Variants in FSIP2 observed in about 807,000 individuals in gnomAD.
FSIP2 encodes the protein fibrous sheath interacting protein 2.
FSIP2 carries 367 observed loss-of-function variants against 510.5 expected under a neutral mutation model. The observed-to-expected ratio is 0.72, with a 90% CI of 0.66 to 0.78. The LOEUF is 0.78. Among genes scored for constraint, FSIP2 ranks in the 30% least tolerant of loss-of-function variants. The pLI, the probability that FSIP2 is intolerant of heterozygous loss-of-function variation, is 0.00. For synonymous variants in FSIP2, 2,601 were observed against 2,732.2 expected, an observed-to-expected ratio of 0.95 and a Z score of 1.50; for missense variants, 7,594 against 7,901.7, an observed-to-expected ratio of 0.96 and a Z score of 1.48.
chr2:185,771,026 C>T (rs967090873), intron 13 of FSIP2, among the ~76,000 whole-genome samples: 2 of 152,182 alleles, frequency 1.3e-5, no homozygotes, highest in East Asian at 1.9e-4. Flanking sequence ...CCCTTGATTC[C>T]ATGTCTCTCA....
At chr2:185,798,859 T>C (rs2105633344) in intron 16 of FSIP2, among the ~76,000 whole-genome samples, 1 of 152,020 alleles carries the variant, frequency 6.6e-6, no homozygotes, top group African/African-American at 2.4e-5. Flanking sequence ...ACTTCGCTCA[T>C]GTTCCTTCTT....
chr2:185,756,317 C>A, intron 9 of FSIP2, 39 bp downstream of exon 9: 1 of 728,930 alleles, frequency 1.4e-6, no homozygotes. Flanking sequence ...AGATACTAAA[C>A]AATAATTTGG....
At position 185,792,687 on chromosome 2, in the gene FSIP2, T is replaced by G. The variant is rs2105618102; in HGVS notation, c.5551T>G (p.Phe1851Val). 3 of 1,533,758 alleles carry G rather than the reference T, an allele frequency of 2.0e-6. No individual in the cohort carries two copies. The South Asian group carries it at 3.6e-5, about 18-fold the overall frequency. Residue 1851 changes from phenylalanine to valine, a missense_variant, in exon 16 of 23, where the codon TTT becomes GTT. By Grantham distance (50) the Phe-to-Val change is conservative. Coordinates refer to ENST00000424728, the MANE Select transcript of FSIP2 (RefSeq NM_173651.4). Reference protein sequence around the residue: ...IVTDNIVRTVFHKLYSAAMTE... With the variant: ...IVTDNIVRTVVHKLYSAAMTE... ...AACAGATAATATTGTTAGGACTGTA[T>G]TTCACAAACTTTATTCAGCTGCCAT... is the stretch of plus-strand genomic sequence containing the variant.
rs1693579940 is a variant in FSIP2 at position 185,806,433 on chromosome 2, C to T, written c.17127C>T (p.Pro5709=). The T allele has an allele frequency of 3.1e-6, 5 of 1,612,006 alleles. No individual in the cohort carries two copies. The highest frequency in any genetic ancestry group is 4.2e-6 in the Non-Finnish European group (5 of 1,178,684). The stretch of plus-strand genomic sequence containing the variant: ...CGAAACTCAGTTATGACCAAAGCCC[C>T]CCAGGTGATAATGTATTAAATGTAA... ...YYSKLSYDQS[P]PGDNVLNVIQ... is the part of the protein sequence containing the mutation. The change falls in exon 17 of 23, where the codon CCC becomes CCT. Residue 5709 remains proline (P), a synonymous_variant. Coordinates refer to ENST00000424728, the MANE Select transcript of FSIP2 (RefSeq NM_173651.4).
rs1464847835 is a variant in FSIP2, at chr2:185,806,711, C to T, written c.17405C>T (p.Ser5802Phe). The change falls in exon 17 of 23, where the codon TCT (serine) becomes TTT (phenylalanine). Residue 5802 changes from serine (S) to phenylalanine (F), a missense_variant. Physicochemically the swap from Ser to Phe is radical, Grantham distance 155. Coordinates refer to ENST00000424728, the MANE Select transcript of FSIP2 (RefSeq NM_173651.4). ...TEMVKQLIFS[S>F]IPETQIQDRC... Reference sequence around the variant, plus strand: ...ATGGTTAAACAATTGATCTTTTCTTCTATACCAGAAACACAAATACAAGAT... The same window carrying T: ...ATGGTTAAACAATTGATCTTTTCTTTTATACCAGAAACACAAATACAAGAT... The T allele has an allele frequency of 6.2e-7, 1 of 1,606,694 alleles. No individual in the cohort carries two copies. The highest frequency in any genetic ancestry group is 1.7e-5 in the Admixed American group (1 of 58,582).
At chr2:185,774,617 C>T (rs1692678974) in intron 13 of FSIP2, among the ~76,000 whole-genome samples, 2 of 150,774 alleles carry the variant, frequency 1.3e-5, no homozygotes, top group Middle Eastern at 6.8e-3. Context: ...TTTTAGGGTA[C>T]ATGTGCACAT....
rs1488089944 is a variant in FSIP2, at chr2:185,807,166, A to G, written c.17860A>G (p.Ile5954Val). Residue 5954 changes from isoleucine to valine, a missense_variant, in exon 17 of 23, where the codon ATA (isoleucine) becomes GTA (valine). Coordinates refer to ENST00000424728, the MANE Select transcript of FSIP2 (RefSeq NM_173651.4). ...NLARRLTSAV[I>V]NEIFQRQVNL... Reference sequence around the variant, plus strand: ...AGCAAGAAGACTAACTAGTGCAGTGATAAATGAAATTTTCCAACGTCAGGT... The same window carrying G: ...AGCAAGAAGACTAACTAGTGCAGTGGTAAATGAAATTTTCCAACGTCAGGT... 13 of 1,602,088 alleles carry G rather than the reference A, an allele frequency of 8.1e-6. No homozygotes were observed. The highest frequency in any genetic ancestry group is 1.7e-5 in the Admixed American group (1 of 57,624).
chr2:185,776,886 G>A (rs1692736569), intron 13 of FSIP2, among the ~76,000 whole-genome samples: 1 of 151,992 alleles, frequency 6.6e-6, no homozygotes, highest in Non-Finnish European at 1.5e-5. Context: ...ACCATACCCA[G>A]CTAATTTTTG....
Position 185,794,062 on chromosome 2 carries a change from TA to T in FSIP2, c.6929del (p.Asn2310MetfsTer3). 6.5e-7 allele frequency: 1 copy of T among 1,532,780 alleles called. No individual in the cohort carries two copies. Among genetic ancestry groups the T allele is most frequent in the Non-Finnish European group, 8.7e-7 (1 of 1,144,722 alleles). The allele number at this position is 1,532,780 out of a possible 1,614,324, so 94.9% of individuals were successfully genotyped here. ...GATTCAAGCCAAGTGGAATCAGATGTAAATGTCCTGAAAATATCAGCAACTG... is the reference window on the plus strand; with the variant it reads ...GATTCAAGCCAAGTGGAATCAGATGTAATGTCCTGAAAATATCAGCAACTG... ...FYDSSQVESD[V>X]NVLKISATET... is the part of the protein sequence containing the mutation. On this transcript the variant is annotated frameshift_variant, in exon 16 of 23. Coordinates refer to ENST00000424728, the MANE Select transcript of FSIP2 (RefSeq NM_173651.4). LOFTEE classifies it high-confidence loss of function.
chr2:185,804,862 C>T lies in FSIP2; in HGVS notation c.15556C>T (p.Pro5186Ser). 1 of 1,524,474 alleles carries T rather than the reference C, an allele frequency of 6.6e-7. No individual in the cohort carries two copies. The highest frequency in any genetic ancestry group is 8.8e-7 in the Non-Finnish European group (1 of 1,142,256). The allele number at this position is 1,524,474 out of a possible 1,614,324, so 94.4% of individuals were successfully genotyped here. Residue 5186 changes from proline (P) to serine (S), a missense_variant, in exon 17 of 23, where the codon CCT (proline) becomes TCT (serine). Coordinates refer to ENST00000424728, the MANE Select transcript of FSIP2 (RefSeq NM_173651.4). ...EDNAESMQLE[P>S]IENLVDSICN... ...TAATGCAGAAAGTATGCAGTTAGAA[C>T]CTATTGAAAATTTGGTCGACTCCAT... is the stretch of plus-strand genomic sequence containing the variant.
Position 185,746,660 on chromosome 2 carries a change from C to T in FSIP2, c.618-9C>T, listed in dbSNP as rs1220430522. The stretch of plus-strand genomic sequence containing the variant: ...ATTCACCTTTAGCAATATTTGCACT[C>T]TTACTCAGATATTTGGATATGATAA... On this transcript the variant is annotated splice_polypyrimidine_tract_variant and intron_variant, in intron 5 of 22. Transcript: ENST00000424728. The T allele has an allele frequency of 4.0e-6, 6 of 1,502,426 alleles. No homozygotes were observed. The highest frequency in any genetic ancestry group is 5.3e-6 in the Non-Finnish European group (6 of 1,133,092). 93.1% of individuals were successfully genotyped at this position (1,502,426 alleles called of 1,614,324 possible).
In FSIP2 at chr2:185,792,109, T is replaced by C; in HGVS notation, c.4973T>C (p.Leu1658Ser). The part of the protein sequence containing the change: ...SAILKVIQTE[L>S]NVTSSDLKTS... ...ATTTTGAAGGTTATTCAAACAGAAT[T>C]AAATGTGACCTCATCAGATTTGAAG... is the stretch of plus-strand genomic sequence containing the variant. The change falls in exon 16 of 23, where the codon TTA becomes TCA. Residue 1658 changes from leucine to serine, a missense_variant. Physicochemically the swap from Leu to Ser is moderately radical, Grantham distance 145. Coordinates refer to ENST00000424728, the MANE Select transcript of FSIP2 (RefSeq NM_173651.4). 6.5e-7 allele frequency: 1 copy of C among 1,533,954 alleles called. No individual in the cohort carries two copies. Among genetic ancestry groups the C allele is most frequent in the South Asian group, 1.2e-5 (1 of 84,012 alleles).
chr2:185,785,945 T>C (rs1486567270), intron 14 of FSIP2, among the ~76,000 whole-genome samples: 1 of 151,866 alleles, frequency 6.6e-6, no homozygotes, highest in Non-Finnish European at 1.5e-5. Flanking sequence ...CTATATCCAT[T>C]TTCAGAGAAA....
chr2:185,779,666 G>T (rs16827107), intron 13 of FSIP2, among the ~76,000 whole-genome samples: 16,904 of 151,860 alleles, frequency 0.11, 990 homozygotes, highest in Middle Eastern at 0.14. Context: ...CAGTCAAATT[G>T]CTTTCTTATT....
At chr2:185,761,213 A>T in intron 10 of FSIP2, 110 bp downstream of exon 10, 1 of 410,826 alleles carries the variant, frequency 2.4e-6, no homozygotes, top group Non-Finnish European at 4.2e-6. Context: ...GTTTAGGGAT[A>T]CTGAGTTTTA....
At position 185,796,070 on chromosome 2, in the gene FSIP2, C is replaced by A. The variant is rs751136477; in HGVS notation, c.8934C>A (p.Asp2978Glu). 5.9e-6 allele frequency: 9 copies of A among 1,531,578 alleles called. No homozygotes were observed. In the South Asian group the frequency reaches 1.1e-4, roughly 18 times the overall value. 94.9% of individuals were successfully genotyped at this position (1,531,578 alleles called of 1,614,324 possible). A position where few individuals can be genotyped will look rare whatever the true frequency, so the allele number is the denominator to read the frequency against. The part of the protein sequence containing the change: ...SLPIYNTKTK[D>E]QISVGSSNQI... ...CAATCTATAACACAAAGACAAAAGACCAAATTTCTGTGGGCTCCAGCAACC... is the reference window on the plus strand; with the variant it reads ...CAATCTATAACACAAAGACAAAAGAACAAATTTCTGTGGGCTCCAGCAACC... Residue 2978 changes from aspartate (D) to glutamate (E), a missense_variant, in exon 16 of 23, where the codon GAC becomes GAA. Asp to Glu is a conservative substitution (Grantham distance 45). Coordinates refer to ENST00000424728, the MANE Select transcript of FSIP2 (RefSeq NM_173651.4).
chr2:185,797,621 T>A (rs1011762935), intron 16 of FSIP2, 95 bp downstream of exon 16: 6 of 1,294,166 alleles, frequency 4.6e-6, no homozygotes, highest in Non-Finnish European at 6.3e-6. Flanking sequence ...AAAAGCTGTA[T>A]TCACTATTTT....
chr2:185,738,936 C>A lies in FSIP2; in HGVS notation c.42C>A (p.Val14=). 6.5e-7 allele frequency: 1 copy of A among 1,534,622 alleles called. No individual in the cohort carries two copies. Among genetic ancestry groups the A allele is most frequent in the South Asian group, 1.2e-5 (1 of 83,988 alleles). ...GCGCCTGCTCCAAGCCTGCCAAAGTCGCCGTCACCAAGACGGTCGCCAGCG... is the reference window on the plus strand; with the variant it reads ...GCGCCTGCTCCAAGCCTGCCAAAGTAGCCGTCACCAAGACGGTCGCCAGCG... The part of the protein sequence containing the change: ...YLGACSKPAK[V]AVTKTVASVL... The change falls in exon 1 of 23, where the codon GTC becomes GTA. Residue 14 remains valine (V), a synonymous_variant. Transcript: ENST00000424728.
At chr2:185,777,433 C>T (rs1692751129) in intron 13 of FSIP2, among the ~76,000 whole-genome samples, 1 of 142,888 alleles carries the variant, frequency 7.0e-6, no homozygotes, top group Non-Finnish European at 1.5e-5. Flanking sequence ...TTTCCTAAGA[C>T]CTGAAGTGCA....
Sources: gnomAD v4.1 joint callset for allele counts (sites outside exome capture counted in the v4.1 genomes callset) on GRCh38, gnomAD v4.1.1 for gene constraint, MANE v1.5 for transcripts, NCBI Gene and HGNC (gene_info 2026-07-23, HGNC 2026-07-21) for gene names.